The following ANKHD1 variants were observed in gnomAD, a reference collection of about 807,000 sequenced individuals.
ANKHD1 encodes the protein ankyrin repeat and KH domain containing 1.
Under a neutral mutation model 230.5 loss-of-function variants are expected in ANKHD1, and 31 were observed. The observed-to-expected ratio is 0.13, with a 90% CI of 0.10 to 0.18. The LOEUF (loss-of-function observed/expected upper bound fraction) is 0.18. Ranked by LOEUF, ANKHD1 falls within the 10% of genes least tolerant of loss-of-function variation. The pLI is 1.00. For synonymous variants in ANKHD1, 1,074 were observed against 1,117.6 expected (o/e 0.96, Z 0.78); for missense variants, 2,256 against 3,071.3 (o/e 0.73, Z 6.27).
chr5:140,422,761 G>A (rs1772095790), intron 1 of ANKHD1, among the ~76,000 whole-genome samples: 5 of 151,280 alleles, frequency 3.3e-5, no homozygotes, highest in Admixed American at 3.3e-4. Context: ...AGTGAGCCAA[G>A]ATTGCACCAT....
rs753895215 is a variant in ANKHD1, at chr5:140,404,728, A to AT, written c.306+2471dup. ...GCATGAGCCACCACGCCCGGCCTTA[A>AT]TTTTTTTTTTTTTTTTGAGACAGGT... On this transcript the variant is annotated intron_variant, in intron 1 of 33. Transcript: ENST00000360839. 6.6e-3 allele frequency among the ~76,000 whole-genome samples: 901 copies of AT among 135,626 alleles called. 4 individuals carry two copies. The highest frequency in any genetic ancestry group is 0.011 in the Admixed American group (147 of 13,452). 89.0% of individuals were successfully genotyped at this position (135,626 alleles called of 152,430 possible).
At position 140,402,145 on chromosome 5, in the gene ANKHD1, G is replaced by GGCGGCGGCGGCA. The variant is rs755898462; in HGVS notation, c.184_195dup (p.Gly62_Gly65dup). On this transcript the variant is annotated inframe_insertion, in exon 1 of 34. Transcript: ENST00000360839. Reference sequence around the variant, plus strand: ...GCCAGCGTCGGGAGTCGGCAGCAGCGGCGGCGGCGGCAGCGGCAGCGGTAC... The same window carrying GGCGGCGGCGGCA: ...GCCAGCGTCGGGAGTCGGCAGCAGCGGCGGCGGCGGCAGCGGCGGCGGCAGCGGCAGCGGTAC... The GGCGGCGGCGGCA allele has an allele frequency of 6.6e-7, 1 of 1,509,514 alleles. No homozygotes were observed. The highest frequency in any genetic ancestry group is 1.4e-5 in the African/African-American group (1 of 70,248). The allele number at this position is 1,509,514 out of a possible 1,614,324, so 93.5% of individuals were successfully genotyped here.
At chr5:140,457,384 G>A (rs549814532) in intron 7 of ANKHD1, among the ~76,000 whole-genome samples, 1 of 152,144 alleles carries the variant, frequency 6.6e-6, no homozygotes, top group Non-Finnish European at 1.5e-5. Flanking sequence ...AAATCATGCT[G>A]CTATAAAGAC....
At chr5:140,508,033 C>T in intron 20 of ANKHD1, 35 bp downstream of exon 20, 1 of 1,587,476 alleles carries the variant, frequency 6.3e-7, no homozygotes, top group South Asian at 1.1e-5. Context: ...ATTTCAGATA[C>T]ATTTCTGTAG....
chr5:140,476,403 A>G (rs1242112697), intron 10 of ANKHD1, among the ~76,000 whole-genome samples: 2 of 152,106 alleles, frequency 1.3e-5, no homozygotes, highest in Non-Finnish European at 2.9e-5. Flanking sequence ...TAAGCAGAAC[A>G]GATGAAACTG....
chr5:140,440,364 A>T, intron 4 of ANKHD1, 98 bp downstream of exon 4: 5 of 1,427,196 alleles, frequency 3.5e-6, no homozygotes, highest in Non-Finnish European at 4.6e-6. Flanking sequence ...TAGAGGCCAG[A>T]GTCTTCTCTT....
chr5:140,515,798 A>G (rs1191702813), intron 24 of ANKHD1, among the ~76,000 whole-genome samples: 2 of 152,208 alleles, frequency 1.3e-5, no homozygotes, highest in Non-Finnish European at 2.9e-5. Context: ...CCATCTGTAC[A>G]TCACCATCAT....
intron 1 of ANKHD1, among the ~76,000 whole-genome samples, chr5:140,416,698 T>G (rs1287104541): frequency 4.6e-5 from 7 of 152,126 alleles, no homozygotes. Flanking sequence ...TTGTCCAGGC[T>G]GGTCTCAAAC....
intron 1 of ANKHD1, among the ~76,000 whole-genome samples, chr5:140,422,970 G>C (rs1199131038): frequency 1.3e-5 from 2 of 151,616 alleles, no homozygotes; most frequent in Non-Finnish European, 1.5e-5. Context: ...CTACCTCCTG[G>C]GTTCAAGCAA....
chr5:140,434,352 C>T (rs1029196189), intron 1 of ANKHD1, among the ~76,000 whole-genome samples: 9 of 150,976 alleles, frequency 6.0e-5, no homozygotes, highest in Non-Finnish European at 1.3e-4. Context: ...TGATGTTTTT[C>T]TTTATCTACA....
At chr5:140,407,288 CCAT>C (rs1342723572) in intron 1 of ANKHD1, among the ~76,000 whole-genome samples, 1 of 111,448 alleles carries the variant, frequency 9.0e-6, no homozygotes, top group African/African-American at 3.2e-5. Context: ...GAGTGAGACT[CCAT>C]CTCCAAAAAA....
At chr5:140,455,823 C>G (rs1251799028) in intron 7 of ANKHD1, among the ~76,000 whole-genome samples, 3 of 152,190 alleles carry the variant, frequency 2.0e-5, no homozygotes, top group African/African-American at 7.2e-5. Context: ...CATGCCGTCT[C>G]TCACCACTCC....
At chr5:140,402,741 A>C (rs1770068234) in intron 1 of ANKHD1, among the ~76,000 whole-genome samples, 2 of 152,134 alleles carry the variant, frequency 1.3e-5, no homozygotes, top group Non-Finnish European at 2.9e-5. Context: ...CTGTGTGCTT[A>C]AGGACGGTTC....
chr5:140,518,338 C>G (rs1753146290), intron 24 of ANKHD1, among the ~76,000 whole-genome samples: 3 of 152,134 alleles, frequency 2.0e-5, no homozygotes, highest in African/African-American at 7.2e-5. Context: ...GATGGATTCA[C>G]AGCCGAATTC....
At chr5:140,530,563 T>C (rs1282561862) in intron 29 of ANKHD1, among the ~76,000 whole-genome samples, 1 of 152,210 alleles carries the variant, frequency 6.6e-6, no homozygotes, top group East Asian at 1.9e-4. Context: ...CTCTTACTTT[T>C]GAAAGACCAG....
chr5:140,440,867 A>C lies in ANKHD1; in HGVS notation c.766-128A>C, dbSNP rs921558242. The C allele has an allele frequency of 2.4e-6, 3 of 1,235,856 alleles. No homozygotes were observed. In the African/African-American group the frequency reaches 4.7e-5, roughly 19 times the overall value. 76.6% of individuals were successfully genotyped at this position (1,235,856 alleles called of 1,614,324 possible). Reference sequence around the variant, plus strand: ...AGTGAGTATTGGCATAATTTTTTCAAAAGGTCATTATTGATTTTTTCCCAC... The same window carrying C: ...AGTGAGTATTGGCATAATTTTTTCACAAGGTCATTATTGATTTTTTCCCAC... On this transcript the variant is annotated intron_variant, in intron 4 of 33. Transcript: ENST00000360839.
chr5:140,490,929 C>T (rs1481495141), intron 14 of ANKHD1, among the ~76,000 whole-genome samples: 4 of 151,538 alleles, frequency 2.6e-5, no homozygotes, highest in African/African-American at 9.7e-5. Flanking sequence ...TGCTTTATCA[C>T]CATAACTTCT....
chr5:140,417,807 A>G (rs1771521677), intron 1 of ANKHD1, among the ~76,000 whole-genome samples: 1 of 149,172 alleles, frequency 6.7e-6, no homozygotes, highest in African/African-American at 2.5e-5. Context: ...TTGTAAGAAT[A>G]GTACAAGGAA....
rs753616956 is a variant in ANKHD1, at chr5:140,529,053, A to G, written c.6107A>G (p.Gln2036Arg). The G allele has an allele frequency of 2.3e-5, 37 of 1,613,968 alleles. No individual in the cohort carries two copies. Among genetic ancestry groups the G allele is most frequent in the Non-Finnish European group, 3.1e-5 (36 of 1,180,054 alleles). Reference protein sequence around the residue: ...PTKEKVSTQDQPMANLCTPSS... With the variant: ...PTKEKVSTQDRPMANLCTPSS... ...AAAGAGAAAGTGTCCACACAGGACC[A>G]GCCCATGGCAAACCTATGTACCCCA... is the stretch of plus-strand genomic sequence containing the variant. Residue 2036 changes from glutamine to arginine, a missense_variant, in exon 29 of 34, where the codon CAG (glutamine) becomes CGG (arginine). By Grantham distance (43) the Gln-to-Arg change is conservative (BLOSUM62 1). Transcript: ENST00000360839.
Sources: gnomAD v4.1 joint callset for allele counts (sites outside exome capture counted in the v4.1 genomes callset) on GRCh38, gnomAD v4.1.1 for gene constraint, MANE v1.5 for transcripts, NCBI Gene and HGNC (gene_info 2026-07-23, HGNC 2026-07-21) for gene names.